Variants in GET4 observed in about 807,000 individuals in gnomAD.
GET4 encodes the protein Golgi to ER traffic protein 4 homolog.
A neutral mutation model predicts 40.0 loss-of-function variants in GET4; 20 were observed. The observed-to-expected ratio is 0.50, with a 90% CI of 0.35 to 0.73. The LOEUF is 0.73. Among genes scored for constraint, GET4 ranks in the 30% least tolerant of loss-of-function variants. The pLI is 0.01. For synonymous variants in GET4, 280 were observed against 194.6 expected, an observed-to-expected ratio of 1.44 and a Z score of -3.65; for missense variants, 557 against 454.0, an observed-to-expected ratio of 1.23 and a Z score of -2.06.
intron 6 of GET4, among the ~76,000 whole-genome samples, chr7:893,242 G>T (rs1402323416): frequency 1.7e-5 from 2 of 120,296 alleles, no homozygotes; most frequent in Admixed American, 8.4e-5. Flanking sequence ...GTGGTGGTGT[G>T]TGCAGGTGAG....
intron 1 of GET4, chr7:883,464 C>T (rs1043855836): frequency 1.0e-6 from 1 of 976,196 alleles, no homozygotes; most frequent in South Asian, 4.7e-5. Context: ...TTTCTGTGTT[C>T]TGCTTTTTAA....
intron 4 of GET4, among the ~76,000 whole-genome samples, chr7:889,594 C>G (rs1347106336): frequency 1.3e-5 from 2 of 152,040 alleles, no homozygotes; most frequent in African/African-American, 2.4e-5. Context: ...GTGCTGAGAT[C>G]TGCACCACGA....
chr7:895,249 C>T (rs946623119), intron 8 of GET4, 85 bp from the exon 9 acceptor site: 4 of 691,676 alleles, frequency 5.8e-6, no homozygotes, highest in Non-Finnish European at 1.0e-5. Context: ...ACTGGGACAC[C>T]TTGTGAGACG....
At position 896,103 on chromosome 7, in the gene GET4, A is replaced by T. The variant is rs1301448218; in HGVS notation, c.*681A>T. On this transcript the variant is annotated 3_prime_UTR_variant, in exon 9 of 9. Transcript: ENST00000265857. ...GCTGCTGTGCTGGAAATGCCGCTTT[A>T]AAAAGGGATACCGTGGGACTCTGCC... 1 of 152,210 alleles carries T rather than the reference A, an allele frequency of 6.6e-6. No homozygotes were observed. The highest frequency in any genetic ancestry group is 1.5e-5 in the Non-Finnish European group (1 of 68,030). The allele number at this position is 152,210 out of a possible 1,614,324, so 9.4% of individuals were successfully genotyped here.
chr7:880,767 G>A (rs917871309), intron 1 of GET4: 1 of 152,264 alleles, frequency 6.6e-6, no homozygotes, highest in African/African-American at 2.4e-5. Context: ...CTGAGACACT[G>A]TCGTTGTCTT....
At chr7:893,101 ATGTGTGCAGGCAAGTGT>A (rs1438229673) in intron 6 of GET4, among the ~76,000 whole-genome samples, 6 of 34,856 alleles carry the variant, frequency 1.7e-4, no homozygotes, top group African/African-American at 6.8e-4. Context: ...GGGCGTGGTG[ATGTGTGCAGGCAAGTGT>A]TGGGTGTAGG....
At position 884,456 on chromosome 7, in the gene GET4, C is replaced by T. The variant is rs1053664845; in HGVS notation, c.156-1600C>T. ...CACAGCAAAACCGGAGGCCTGCCAA[C>T]GGCCTGCAGGCTGACGGGGGTGCGG... On this transcript the variant is annotated intron_variant, in intron 1 of 8. Transcript: ENST00000265857. The T allele has an allele frequency of 1.1e-4, 103 of 971,228 alleles. 1 individual carries two copies. The highest frequency in any genetic ancestry group is 2.7e-4 in the Middle Eastern group (1 of 3,772). 60.2% of individuals were successfully genotyped at this position (971,228 alleles called of 1,614,324 possible).
intron 5 of GET4, 66 bp from the exon 6 acceptor site, chr7:892,212 C>T (rs1357604289): frequency 3.4e-5 from 52 of 1,536,074 alleles, no homozygotes; most frequent in East Asian, 4.6e-5. Context: ...TGTCGGAGGC[C>T]GGCGCCTGTG....
chr7:885,714 C>T, intron 1 of GET4: 2 of 241,146 alleles, frequency 8.3e-6, no homozygotes, highest in Middle Eastern at 1.4e-3. Flanking sequence ...GCCACATGCA[C>T]ATCCCCTGCT....
At chr7:894,504 G>A (rs751665615) in intron 8 of GET4, among the ~76,000 whole-genome samples, 1 of 152,156 alleles carries the variant, frequency 6.6e-6, no homozygotes, top group South Asian at 2.1e-4. Flanking sequence ...ACAGATGTCT[G>A]CCCTGGTGCA....
chr7:888,805 T>A (rs1449441551), intron 4 of GET4, among the ~76,000 whole-genome samples: 1 of 152,256 alleles, frequency 6.6e-6, no homozygotes, highest in African/African-American at 2.4e-5. Context: ...ACAACCCTCC[T>A]GTGTCCTGCA....
Position 895,409 on chromosome 7 carries a change from T to TGG in GET4, c.971_972insGG (p.Ile324MetfsTer85). ...GAGAGCCCCAGCGACGGCAGCCCCA[T>TGG]CGAGCTGGACTGAACTGGCCAGGCC... On this transcript the variant is annotated frameshift_variant, in exon 9 of 9. Coordinates refer to ENST00000265857, the MANE Select transcript of GET4 (RefSeq NM_015949.3). LOFTEE classifies it high-confidence loss of function. 1 of 1,578,256 alleles carries TGG rather than the reference T, an allele frequency of 6.3e-7. No individual in the cohort carries two copies.
At chr7:883,577 G>A (rs2128627223) in intron 1 of GET4, 1 of 985,270 alleles carries the variant, frequency 1.0e-6, no homozygotes, top group Non-Finnish European at 1.2e-6. Context: ...GCGCTCACTG[G>A]CTCTCAGCGC....
chr7:876,662 C>A lies in GET4; in HGVS notation c.17C>A (p.Ala6Glu). Residue 6 changes from alanine (A) to glutamate (E), a missense_variant, in exon 1 of 9, where the codon GCG (alanine) becomes GAG (glutamate). Ala to Glu is a moderately radical substitution (Grantham distance 107). Transcript: ENST00000265857. MAAAA[A>E]MAEQESARNG... The stretch of plus-strand genomic sequence containing the variant: ...GCCGGCCCGATGGCGGCGGCGGCGG[C>A]GATGGCCGAGCAGGAGAGCGCCCGG... 1 of 1,291,508 alleles carries A rather than the reference C, an allele frequency of 7.7e-7. No individual in the cohort carries two copies. 80.0% of individuals were successfully genotyped at this position (1,291,508 alleles called of 1,614,324 possible).
intron 1 of GET4, among the ~76,000 whole-genome samples, chr7:877,360 C>A (rs1252313947): frequency 7.1e-5 from 9 of 127,344 alleles, no homozygotes; most frequent in African/African-American, 9.2e-5. Flanking sequence ...GCCGTCCTCC[C>A]CCTGCCCCTC....
intron 1 of GET4, chr7:884,133 G>A: frequency 8.0e-7 from 1 of 1,242,482 alleles, no homozygotes; most frequent in Non-Finnish European, 1.0e-6. Context: ...CTTTACCTCA[G>A]ATAGAAGCAT....
chr7:887,308 A>AT, intron 3 of GET4, 62 bp from the exon 4 acceptor site: 1 of 1,481,134 alleles, frequency 6.8e-7, no homozygotes, highest in Non-Finnish European at 9.3e-7. Flanking sequence ...TCTGTGGGGA[A>AT]TGTGGGACAG....
At chr7:892,597 T>A (rs1457149244) in intron 6 of GET4, 179 bp downstream of exon 6, 6 of 580,198 alleles carry the variant, frequency 1.0e-5, no homozygotes, top group Non-Finnish European at 1.5e-5. Context: ...TGTGCAGGTC[T>A]GTTGGGTGTA....
intron 4 of GET4, among the ~76,000 whole-genome samples, chr7:889,660 G>A (rs1023218030): frequency 2.4e-4 from 36 of 148,774 alleles, no homozygotes; most frequent in Admixed American, 1.1e-3. Context: ...GAGTGTGAGC[G>A]GGTGTTAGGA....
Sources: allele counts gnomAD v4.1 joint callset (sites outside exome capture counted in the v4.1 genomes callset), GRCh38; gene constraint gnomAD v4.1.1; transcripts MANE v1.5; gene names NCBI Gene and HGNC (gene_info 2026-07-23, HGNC 2026-07-21).